The following MTMR9 variants were observed in gnomAD, a reference collection of about 807,000 sequenced individuals.
The protein encoded by MTMR9 is myotubularin related protein 9, also known as myotubularin-related protein 9.
A neutral mutation model predicts 69.5 loss-of-function variants in MTMR9; 39 were observed. The observed-to-expected ratio is 0.56, with a 90% confidence interval of 0.43 to 0.73. The LOEUF is 0.73. Among genes scored for constraint, MTMR9 ranks in the 30% least tolerant of loss-of-function variants. MTMR9 has a pLI of 0.00. For synonymous variants in MTMR9, 354 were observed against 240.8 expected (o/e 1.47, Z -4.35); for missense variants, 900 against 671.2 (o/e 1.34, Z -3.77).
intron 2 of MTMR9, among the ~76,000 whole-genome samples, chr8:11,296,106 T>TATATATGTA (rs1415920601): frequency 1.3e-5 from 2 of 152,044 alleles, no homozygotes; most frequent in African/African-American, 4.8e-5. Flanking sequence ...ATTACATATA[T>TATATATGTA]ATATACACAT....
chr8:11,328,903 T>C (rs1332241006), downstream of MTMR9, among the ~76,000 whole-genome samples: 4 of 152,240 alleles, frequency 2.6e-5, no homozygotes, highest in South Asian at 2.1e-4. Context: ...CTTAGGAGTT[T>C]TATAGTTTAA....
intron 1 of MTMR9, among the ~76,000 whole-genome samples, chr8:11,286,208 T>C (rs1476033472): frequency 6.6e-6 from 1 of 151,766 alleles, no homozygotes; most frequent in Non-Finnish European, 1.5e-5. Context: ...CGCCTAGGCC[T>C]CCCACAGTTC....
At chr8:11,331,661 A>C (rs1176566149), downstream of MTMR9, 4 of 1,611,686 alleles carry the variant, frequency 2.5e-6, no homozygotes, top group Non-Finnish European at 3.4e-6. Flanking sequence ...AGGGGACCAC[A>C]GGTGTCTACA....
chr8:11,287,769 T>TATTATATA (rs1371329403), intron 1 of MTMR9, among the ~76,000 whole-genome samples: 315 of 132,612 alleles, frequency 2.4e-3, no homozygotes, highest in African/African-American at 8.9e-3. Flanking sequence ...ATTTATTTAT[T>TATTATATA]ATATATTTAT....
At chr8:11,312,498 C>T (rs1239599053) in intron 6 of MTMR9, among the ~76,000 whole-genome samples, 1 of 152,226 alleles carries the variant, frequency 6.6e-6, no homozygotes, top group Non-Finnish European at 1.5e-5. Flanking sequence ...AGGCATGAGT[C>T]ACCATGCCCC....
At chr8:11,336,287 A>G in the MTMR9 span, among the ~76,000 whole-genome samples, 158 of 152,318 alleles carry the variant, frequency 1.0e-3, no homozygotes, top group Non-Finnish European at 1.6e-3. Context: ...TCCCTACCAC[A>G]TGACTACTTT....
intron 2 of MTMR9, chr8:11,298,791 A>G (rs764681507): frequency 3.1e-6 from 3 of 975,140 alleles, no homozygotes; most frequent in Non-Finnish European, 3.6e-6. Context: ...GAATCTGCCT[A>G]GTGATAGAGA....
chr8:11,300,016 C>G lies in MTMR9; in HGVS notation c.292-7C>G, dbSNP rs185313066. ...CTTTTTTGTCTTTCTTTTCTTTTTG[C>G]CCCCAGGCATTGTCTACTCTGGACT... On this transcript the variant is annotated splice_region_variant and splice_polypyrimidine_tract_variant and intron_variant, in intron 2 of 9. Transcript: ENST00000221086. The G allele has an allele frequency of 6.2e-6, 10 of 1,601,212 alleles. No homozygotes were observed. In the African/African-American group the frequency reaches 1.2e-4, roughly 19 times the overall value.
At chr8:11,315,421 C>G (rs1051839821) in intron 7 of MTMR9, among the ~76,000 whole-genome samples, 51 of 152,260 alleles carry the variant, frequency 3.3e-4, no homozygotes, top group African/African-American at 1.2e-3. Context: ...AAGGAAAGCG[C>G]TTTAACCCTT....
At chr8:11,336,623 C>A in the MTMR9 span, among the ~76,000 whole-genome samples, 3 of 152,164 alleles carry the variant, frequency 2.0e-5, no homozygotes, top group African/African-American at 7.2e-5. Context: ...TGGCCATCTC[C>A]AATGCCAGGA....
chr8:11,298,810 C>G (rs1799650385), intron 2 of MTMR9: 1 of 979,992 alleles, frequency 1.0e-6, no homozygotes. Flanking sequence ...GACTTTCCTT[C>G]TCTCTGTTCC....
chr8:11,334,664 C>T, the MTMR9 span, among the ~76,000 whole-genome samples: 1 of 152,046 alleles, frequency 6.6e-6, no homozygotes, highest in Non-Finnish European at 1.5e-5. Flanking sequence ...AAGTCCTTAT[C>T]AGTGATTACA....
At chr8:11,319,511 T>A in intron 8 of MTMR9, 176 bp from the exon 9 acceptor site, 1 of 630,222 alleles carries the variant, frequency 1.6e-6, no homozygotes, top group East Asian at 2.8e-5. Context: ...TTGAGAGTTC[T>A]AATGCCGATT....
rs545537089 is a variant in MTMR9 at position 11,307,437 on chromosome 8, A to G, written c.809+1030A>G. On this transcript the variant is annotated intron_variant, in intron 5 of 9. Transcript: ENST00000221086. ...TGTACCACATTTTCTTAATCCATTC[A>G]TCCATTGACGTGCATTTAGGTTGAA... Among the ~76,000 whole-genome samples the G allele has an allele frequency of 7.2e-5, 11 of 152,304 alleles. No individual in the cohort carries two copies. In the South Asian group the frequency reaches 1.9e-3, roughly 26 times the overall value.
At chr8:11,332,356 C>G, downstream of MTMR9, 1 of 778,112 alleles carries the variant, frequency 1.3e-6, no homozygotes, top group Non-Finnish European at 1.8e-6. Flanking sequence ...ATTAATTGAA[C>G]TATCCTTAAG....
intron 1 of MTMR9, among the ~76,000 whole-genome samples, chr8:11,290,399 G>A (rs548695223): frequency 1.1e-3 from 171 of 152,184 alleles, no homozygotes; most frequent in African/African-American, 4.0e-3. Flanking sequence ...GTTTTCTAGT[G>A]TGTCACCCAT....
At chr8:11,315,087 C>G in intron 7 of MTMR9, 23 bp downstream of exon 7, 1 of 1,606,112 alleles carries the variant, frequency 6.2e-7, no homozygotes, top group Non-Finnish European at 8.5e-7. Context: ...GTTTGATTCA[C>G]AGAGGAACTG....
downstream of MTMR9, chr8:11,331,754 C>G (rs1801241527): frequency 6.2e-7 from 1 of 1,611,852 alleles, no homozygotes; most frequent in Admixed American, 1.7e-5. Context: ...TGCACTTTCC[C>G]TCCTGCCTCC....
intron 3 of MTMR9, among the ~76,000 whole-genome samples, chr8:11,304,369 A>G (rs1204210915): frequency 5.3e-5 from 8 of 152,208 alleles, no homozygotes; most frequent in Admixed American, 5.2e-4. Flanking sequence ...GTGCTTTAAG[A>G]GGATCATTAA....
Sources: gnomAD v4.1 joint callset for allele counts (sites outside exome capture counted in the v4.1 genomes callset) on GRCh38, gnomAD v4.1.1 for gene constraint, MANE v1.5 for transcripts, NCBI Gene and HGNC (gene_info 2026-07-23, HGNC 2026-07-21) for gene names.